Variants in TLL2 observed in about 807,000 individuals in gnomAD.
TLL2 encodes the protein tolloid like 2.
TLL2 carries 106 observed loss-of-function variants against 123.0 expected under a neutral mutation model. That is an observed-to-expected ratio of 0.86 (90% CI 0.74 to 1.01). The LOEUF is 1.01. Among genes scored for constraint, TLL2 ranks in the 50% least tolerant of loss-of-function variants. The pLI is 0.00. For synonymous variants in TLL2, 494 were observed against 516.8 expected, an observed-to-expected ratio of 0.96 and a Z score of 0.60; for missense variants, 1,332 against 1,336.7, an observed-to-expected ratio of 1.00 and a Z score of 0.06.
chr10:96,387,183 AG>A (rs1846244528), intron 13 of TLL2, 105 bp from the exon 14 acceptor site: 2 of 1,503,684 alleles, frequency 1.3e-6, no homozygotes. Flanking sequence ...TCTAATAAAC[AG>A]GAGCCACTCC....
chr10:96,502,581 C>G (rs972781696), intron 1 of TLL2, among the ~76,000 whole-genome samples: 2 of 152,234 alleles, frequency 1.3e-5, no homozygotes, highest in Middle Eastern at 3.4e-3. Flanking sequence ...GGTTTAGGGA[C>G]CTGGGTGGAC....
chr10:96,475,827 A>G (rs1415647696), intron 2 of TLL2, among the ~76,000 whole-genome samples: 1 of 152,048 alleles, frequency 6.6e-6, no homozygotes, highest in Non-Finnish European at 1.5e-5. Context: ...ACCCAAAGGG[A>G]GATGATTGAA....
intron 13 of TLL2, among the ~76,000 whole-genome samples, chr10:96,388,120 TTGGCCAGGC>T (rs943251385): frequency 6.6e-6 from 1 of 152,108 alleles, no homozygotes; most frequent in Non-Finnish European, 1.5e-5. Flanking sequence ...TATAAAGTTG[TTGGCCAGGC>T]ACGGTGGCTC....
chr10:96,471,501 T>G (rs1847183275), intron 2 of TLL2, among the ~76,000 whole-genome samples: 1 of 151,940 alleles, frequency 6.6e-6, no homozygotes, highest in Non-Finnish European at 1.5e-5. Flanking sequence ...ACACAGAAGT[T>G]GGGGGTCGCA....
intron 2 of TLL2, among the ~76,000 whole-genome samples, chr10:96,466,609 C>G (rs894828565): frequency 6.6e-6 from 1 of 152,228 alleles, no homozygotes; most frequent in African/African-American, 2.4e-5. Context: ...TCTCTCCAGC[C>G]CACTGCTGTC....
At chr10:96,456,944 G>A (rs1847022612) in intron 2 of TLL2, among the ~76,000 whole-genome samples, 1 of 152,202 alleles carries the variant, frequency 6.6e-6, no homozygotes, top group African/African-American at 2.4e-5. Context: ...ATGGGAGGGA[G>A]TCAGTTAGGA....
At position 96,418,063 on chromosome 10, in the gene TLL2, A is replaced by G. The variant is rs189255150; in HGVS notation, c.923+2893T>C. The stretch of plus-strand genomic sequence containing the variant: ...GCCCCTGCTGATCTCCCTCCTAGAG[A>G]TTCTGGGGAATTTTGATGAGGAATT... On this transcript the variant is annotated intron_variant, in intron 7 of 20. Transcript: ENST00000357947. Among the ~76,000 whole-genome samples, 50 of 152,130 alleles carry G rather than the reference A, an allele frequency of 3.3e-4. No individual in the cohort carries two copies. The East Asian group carries it at 8.7e-3, about 26-fold the overall frequency.
intron 3 of TLL2, 74 bp from the exon 4 acceptor site, chr10:96,433,036 C>A: frequency 1.3e-6 from 2 of 1,545,404 alleles, no homozygotes; most frequent in Non-Finnish European, 8.8e-7. Context: ...GTTGTATTAT[C>A]CACAATTCCA....
In TLL2 at chr10:96,504,905, G is replaced by A. The variant is rs149210265; in HGVS notation, c.175+8606C>T. Among the ~76,000 whole-genome samples the A allele has an allele frequency of 2.9e-3, 444 of 152,370 alleles. 4 individuals carry two copies. Among genetic ancestry groups the A allele is most frequent in the African/African-American group, 7.9e-3 (327 of 41,584 alleles). The stretch of plus-strand genomic sequence containing the variant: ...CGCCTGTAGCGCCAGCTACTCGGGA[G>A]GCTGAGGCAGGAGAATGGCGTGAAC... On this transcript the variant is annotated intron_variant, in intron 1 of 20. Coordinates refer to ENST00000357947, the MANE Select transcript of TLL2 (RefSeq NM_012465.4).
chr10:96,472,212 T>C (rs1320527434), intron 2 of TLL2, among the ~76,000 whole-genome samples: 2 of 152,166 alleles, frequency 1.3e-5, no homozygotes, highest in African/African-American at 4.8e-5. Context: ...GAAGACAGAC[T>C]TGAATCCAAT....
At chr10:96,449,792 T>G (rs1239629827) in intron 2 of TLL2, among the ~76,000 whole-genome samples, 1 of 152,170 alleles carries the variant, frequency 6.6e-6, no homozygotes, top group Non-Finnish European at 1.5e-5. Context: ...CTTTCTATTT[T>G]CCTCTTATTG....
intron 1 of TLL2, among the ~76,000 whole-genome samples, chr10:96,506,621 C>T (rs1847582363): frequency 2.0e-5 from 3 of 151,646 alleles, no homozygotes. Context: ...GCACTTAGAC[C>T]CTCAGCACCC....
intron 1 of TLL2, among the ~76,000 whole-genome samples, chr10:96,505,283 GA>G (rs1233714438): frequency 6.6e-6 from 1 of 152,170 alleles, no homozygotes; most frequent in Non-Finnish European, 1.5e-5. Flanking sequence ...CAGCATGAAG[GA>G]AACCACCCCC....
intron 2 of TLL2, among the ~76,000 whole-genome samples, chr10:96,463,393 G>GTCAGGTA (rs140830359): frequency 0.015 from 2,294 of 152,296 alleles, 51 homozygotes; most frequent in African/African-American, 0.052. Flanking sequence ...GCAGCAGGTA[G>GTCAGGTA]TCAGGTATCG....
At chr10:96,390,592 C>G (rs1846277547) in intron 13 of TLL2, among the ~76,000 whole-genome samples, 1 of 152,260 alleles carries the variant, frequency 6.6e-6, no homozygotes, top group Non-Finnish European at 1.5e-5. Flanking sequence ...CAATTGGCAC[C>G]AAGGCAAGAG....
Position 96,379,079 on chromosome 10 carries a change from A to ACACTCGT in TLL2, c.2201_2207dup (p.Cys736Ter). 1 of 1,614,104 alleles carries ACACTCGT rather than the reference A, an allele frequency of 6.2e-7. No homozygotes were observed. The highest frequency in any genetic ancestry group is 1.1e-5 in the South Asian group (1 of 91,064). On this transcript the variant is annotated stop_gained and frameshift_variant, in exon 17 of 21. Transcript: ENST00000357947. LOFTEE classifies it high-confidence loss of function. ...GCTGACACCCGCCGTTGTCCTTGGC[A>ACACTCGT]CACTCGTCCTTATCTGGGGAGATCA...
intron 9 of TLL2, 94 bp downstream of exon 9, chr10:96,410,265 C>G: frequency 3.4e-6 from 3 of 878,374 alleles, no homozygotes; most frequent in Non-Finnish European, 5.4e-6. Flanking sequence ...TATAACCGAA[C>G]AGCTGTTATT....
At chr10:96,498,717 T>C (rs911111813) in intron 1 of TLL2, among the ~76,000 whole-genome samples, 2 of 152,200 alleles carry the variant, frequency 1.3e-5, no homozygotes, top group African/African-American at 4.8e-5. Context: ...TCTCACACAT[T>C]CTTTGTCTCT....
chr10:96,383,801 T>G (rs1454562551), intron 16 of TLL2, among the ~76,000 whole-genome samples: 1 of 150,658 alleles, frequency 6.6e-6, no homozygotes, highest in Non-Finnish European at 1.5e-5. Context: ...TTTTTTTTTT[T>G]TTTGTATTTT....
Sources: gnomAD v4.1 joint callset for allele counts (sites outside exome capture counted in the v4.1 genomes callset) on GRCh38, gnomAD v4.1.1 for gene constraint, MANE v1.5 for transcripts, NCBI Gene and HGNC (gene_info 2026-07-23, HGNC 2026-07-21) for gene names.